ZNF112: variants seen among roughly 807,000 people sequenced by gnomAD.
ZNF112 encodes zinc finger protein 112, also known as zinc finger protein 112 (Y14).
In ZNF112, 37 loss-of-function variants were observed where a neutral mutation model predicts 77.7. The observed-to-expected ratio is 0.48, with a 90% confidence interval of 0.37 to 0.63. The LOEUF (loss-of-function observed/expected upper bound fraction) is 0.63. ZNF112 is among the 20% of genes least tolerant of loss of function. The pLI is 0.00. For synonymous variants in ZNF112, 333 were observed against 363.6 expected (o/e 0.92, Z 0.96); for missense variants, 950 against 1,077.4 (o/e 0.88, Z 1.66).
At chr19:44,366,539 T>C (rs1970906195) in intron 1 of ZNF112, among the ~76,000 whole-genome samples, 2 of 152,260 alleles carry the variant, frequency 1.3e-5, no homozygotes, top group South Asian at 4.2e-4. Context: ...AGTCATTCTT[T>C]CCTCATTCCT....
chr19:44,328,142 G>A lies in ZNF112; in HGVS notation c.2015C>T (p.Ser672Leu), dbSNP rs1237316864. 6.2e-7 allele frequency: 1 copy of A among 1,613,996 alleles called. No homozygotes were observed. The highest frequency in any genetic ancestry group is 2.2e-5 in the East Asian group (1 of 44,872). The change falls in exon 4 of 4, where the codon TCA becomes TTA. Residue 672 changes from serine to leucine, a missense_variant. By Grantham distance (145) the Ser-to-Leu change is moderately radical. Coordinates refer to ENST00000354340, the MANE Select transcript of ZNF112 (RefSeq NM_013380.4). ...GACCCTCTGATGGGCCAAAAGTGTT[G>A]AGGCCTTACTGAAGCCTTTACCACA... is the stretch of plus-strand genomic sequence containing the variant. ...EECGKGFSKA[S>L]TLLAHQRVHT...
Position 44,327,419 on chromosome 19 carries a change from C to A in ZNF112, c.*14G>T. ...CTCTAGTGACTGGAAAATTTCAGCT[C>A]CCATTTGAGGACTTCAAAACAAAAC... is the stretch of plus-strand genomic sequence containing the variant. On this transcript the variant is annotated 3_prime_UTR_variant, in exon 4 of 4. Transcript: ENST00000354340. 6.5e-7 allele frequency: 1 copy of A among 1,547,376 alleles called. No homozygotes were observed. Among genetic ancestry groups the A allele is most frequent in the African/African-American group, 1.4e-5 (1 of 72,194 alleles).
intron 1 of ZNF112, among the ~76,000 whole-genome samples, chr19:44,363,239 G>A (rs1453379523): frequency 6.6e-6 from 1 of 151,976 alleles, no homozygotes; most frequent in Non-Finnish European, 1.5e-5. Flanking sequence ...CTAAAGTGCT[G>A]GCATTGTAGG....
At chr19:44,340,565 A>G (rs1357415879) in intron 1 of ZNF112, 23 bp from the exon 2 acceptor site, 15 of 1,613,422 alleles carry the variant, frequency 9.3e-6, no homozygotes, top group Non-Finnish European at 1.2e-5. Flanking sequence ...ACACATGCAC[A>G]CTAAGTTTAC....
Position 44,329,029 on chromosome 19 carries a change from A to T in ZNF112, c.1128T>A (p.Thr376=). The change falls in exon 4 of 4, where the codon ACT becomes ACA. Residue 376 remains threonine, a synonymous_variant. Transcript: ENST00000354340. ...LDLNSIFRVH[T]RDEPHEYEEN... ...CCTCATATTCATGGGGTTCATCCCT[A>T]GTATGGACCCTAAAAATACTATTAA... 6.2e-7 allele frequency: 1 copy of T among 1,613,894 alleles called. No homozygotes were observed. Among genetic ancestry groups the T allele is most frequent in the Non-Finnish European group, 8.5e-7 (1 of 1,179,956 alleles).
intron 3 of ZNF112, among the ~76,000 whole-genome samples, chr19:44,332,448 T>C (rs1413558569): frequency 3.3e-5 from 5 of 152,208 alleles, no homozygotes; most frequent in Admixed American, 3.3e-4. Context: ...TATAATGATA[T>C]TTTATCATAT....
chr19:44,343,104 G>A, intron 1 of ZNF112: 4 of 736,210 alleles, frequency 5.4e-6, no homozygotes, highest in Non-Finnish European at 6.3e-6. Context: ...TTTAGAAAAG[G>A]ACAAAAACAA....
chr19:44,328,065 G>A lies in ZNF112; in HGVS notation c.2092C>T (p.Gln698Ter), dbSNP rs756766547. The change falls in exon 4 of 4, where the codon CAG (glutamine) becomes TAG (stop). Residue 698 changes from glutamine (Q) to a stop codon, truncating the protein, a stop_gained. Coordinates refer to ENST00000354340, the MANE Select transcript of ZNF112 (RefSeq NM_013380.4). LOFTEE classifies it high-confidence loss of function. ...TGATGACTCTGAAGGTATGATCTCTGACTGAAACTCTTACCACACTCATCA... is the reference window on the plus strand; with the variant it reads ...TGATGACTCTGAAGGTATGATCTCTAACTGAAACTCTTACCACACTCATCA... ...QCDECGKSFS[Q>*]RSYLQSHQSV... 3 of 1,613,742 alleles carry A rather than the reference G, an allele frequency of 1.9e-6. No individual in the cohort carries two copies. The African/African-American group carries it at 4.0e-5, about 22-fold the overall frequency.
chr19:44,337,362 T>TAATATA (rs1568665543), intron 2 of ZNF112, among the ~76,000 whole-genome samples: 1 of 30,480 alleles, frequency 3.3e-5, no homozygotes, highest in African/African-American at 1.2e-4. Flanking sequence ...AAAATATATA[T>TAATATA]TATTATATAT....
At chr19:44,340,300 C>T (rs1376675341) in intron 2 of ZNF112, 116 bp downstream of exon 2, 2 of 1,410,998 alleles carry the variant, frequency 1.4e-6, no homozygotes, top group Middle Eastern at 2.6e-4. Context: ...ATTATTAGGA[C>T]TCTCGGGCAC....
In ZNF112 at chr19:44,328,427, C is replaced by T. The variant is rs904516894; in HGVS notation, c.1730G>A (p.Cys577Tyr). The change falls in exon 4 of 4, where the codon TGT becomes TAT. Residue 577 changes from cysteine (C) to tyrosine (Y), a missense_variant. Cys to Tyr is a radical substitution (Grantham distance 194). Around this residue, in one of 3 missense-constraint regions of ZNF112, gnomAD observed 373 missense variants for 482.8 expected, o/e 0.77. Transcript: ENST00000354340. ...ACTGAACCCCTTCCCACATTCCTCA[C>T]ATTTATAAGGTTTTTCTCCAGTGTG... is the stretch of plus-strand genomic sequence containing the variant. Reference protein sequence around the residue: ...RVHTGEKPYKCEECGKGFSRN... With the variant: ...RVHTGEKPYKYEECGKGFSRN... The T allele has an allele frequency of 5.0e-6, 8 of 1,613,996 alleles. No individual in the cohort carries two copies. Among genetic ancestry groups the T allele is most frequent in the South Asian group, 1.1e-5 (1 of 91,088 alleles).
At chr19:44,347,485 A>AC (rs1555804139) in intron 1 of ZNF112, among the ~76,000 whole-genome samples, 2 of 40,322 alleles carry the variant, frequency 5.0e-5, no homozygotes, top group African/African-American at 7.2e-5. Context: ...TTTTGGGTTG[A>AC]TTTTTTTTTT....
Position 44,328,978 on chromosome 19 carries a change from A to G in ZNF112, c.1179T>C (p.Ser393=), listed in dbSNP as rs971855528. The G allele has an allele frequency of 1.9e-6, 3 of 1,613,932 alleles. No homozygotes were observed. The highest frequency in any genetic ancestry group is 2.2e-5 in the East Asian group (1 of 44,856). ...TTTTTTGATGGACTTGAAGACATGA[A>G]CTCTGATTAAAGACATTCTCATTTT... ...YEENENVFNQ[S]SCLQVHQKIH... is the part of the protein sequence containing the mutation. The change falls in exon 4 of 4, where the codon AGT becomes AGC. Residue 393 remains serine (S), a synonymous_variant. Transcript: ENST00000354340.
intron 1 of ZNF112, among the ~76,000 whole-genome samples, chr19:44,355,685 G>A (rs1272034393): frequency 6.6e-6 from 1 of 152,126 alleles, no homozygotes; most frequent in African/African-American, 2.4e-5. Flanking sequence ...AGGCTCAAAG[G>A]GCTCTTGTGA....
At chr19:44,356,969 C>A (rs1300171621), upstream of ZNF112, among the ~76,000 whole-genome samples, 1 of 152,184 alleles carries the variant, frequency 6.6e-6, no homozygotes, top group Admixed American at 6.5e-5. Context: ...ATATATATTT[C>A]TCTGTTTTAC....
rs760857833 is a variant in ZNF112, at chr19:44,326,627, A to G, written c.*806T>C. The G allele has an allele frequency of 6.6e-6, 1 of 152,188 alleles. No individual in the cohort carries two copies. Among genetic ancestry groups the G allele is most frequent in the Non-Finnish European group, 1.5e-5 (1 of 68,022 alleles). 9.4% of individuals were successfully genotyped at this position (152,188 alleles called of 1,614,324 possible). On this transcript the variant is annotated 3_prime_UTR_variant, in exon 4 of 4. Transcript: ENST00000354340. Reference sequence around the variant, plus strand: ...TTGGATACTTGCAAATATTACAGTAAAACTCTGCCTTAATTCACAGGGCAG... The same window carrying G: ...TTGGATACTTGCAAATATTACAGTAGAACTCTGCCTTAATTCACAGGGCAG...
At chr19:44,346,364 T>C (rs1386226929) in intron 1 of ZNF112, among the ~76,000 whole-genome samples, 2 of 152,238 alleles carry the variant, frequency 1.3e-5, no homozygotes, top group Non-Finnish European at 2.9e-5. Flanking sequence ...AGAAAGTCAG[T>C]GTGAGTGGTA....
In ZNF112 at chr19:44,336,642, G is replaced by A; in HGVS notation, c.201C>T (p.Thr67=). 1 of 1,613,908 alleles carries A rather than the reference G, an allele frequency of 6.2e-7. No individual in the cohort carries two copies. The highest frequency in any genetic ancestry group is 8.5e-7 in the Non-Finnish European group (1 of 1,179,888). Residue 67 remains threonine, a synonymous_variant, in exon 3 of 4, where the codon ACC becomes ACT. Transcript: ENST00000354340. ...EEKLLMVETE[T]PRDGCSGRKN... ...TCTCACCTGAACATCCATCTCTTGG[G>A]GTTTCTGTCTCCACCATCAAAAGCT...
chr19:44,343,597 A>G (rs778272597), intron 1 of ZNF112, among the ~76,000 whole-genome samples: 3 of 152,180 alleles, frequency 2.0e-5, no homozygotes, highest in Admixed American at 6.5e-5. Context: ...CATGTCATGT[A>G]CTGGTTAAAA....
Sources: gnomAD v4.1 joint callset for allele counts (sites outside exome capture counted in the v4.1 genomes callset) on GRCh38, gnomAD v4.1.1 for gene constraint, gnomAD v4.1.1 regional missense constraint, MANE v1.5 for transcripts, NCBI Gene and HGNC (gene_info 2026-07-23, HGNC 2026-07-21) for gene names.